Variants in PER2 observed in about 807,000 individuals in gnomAD.
PER2 encodes period circadian regulator 2.
In PER2, 66 loss-of-function variants were observed where a neutral mutation model predicts 121.0. The ratio of observed to expected loss-of-function variants is 0.55; its 90% confidence interval spans 0.45 to 0.67. The LOEUF is 0.67. PER2 is among the 30% of genes least tolerant of loss of function. PER2 has a pLI of 0.00. For missense variants in PER2, 1,521 were observed against 1,635.0 expected (o/e 0.93, Z 1.20); for synonymous variants, 684 against 659.9 (o/e 1.04, Z -0.56).
At chr2:238,295,115 C>T in the PER2 span, among the ~76,000 whole-genome samples, 1 of 152,198 alleles carries the variant, frequency 6.6e-6, no homozygotes, top group African/African-American at 2.4e-5. Flanking sequence ...GTTTGGGTGT[C>T]TGTTTTCTCC....
chr2:238,254,921 T>A (rs1695716410), intron 18 of PER2: 1 of 152,206 alleles, frequency 6.6e-6, no homozygotes, highest in Non-Finnish European at 1.5e-5. Flanking sequence ...CCGGGGGAGC[T>A]GGGTCCTTGT....
At position 238,260,010 on chromosome 2, in the gene PER2, T is replaced by C. The variant is rs758749027; in HGVS notation, c.1586A>G (p.Tyr529Cys). Residue 529 changes from tyrosine (Y) to cysteine (C), a missense_variant, in exon 14 of 23, where the codon TAT becomes TGT. Physicochemically the swap from Tyr to Cys is radical, Grantham distance 194. Transcript: ENST00000254657. ...NGNKTKNRSH[Y>C]SHESGEQKKK... Reference sequence around the variant, plus strand: ...CTTTTGTTCTCCAGATTCATGAGAATAATGACTTCTATTTTTGGTCTTGTT... The same window carrying C: ...CTTTTGTTCTCCAGATTCATGAGAACAATGACTTCTATTTTTGGTCTTGTT... 2.1e-5 allele frequency: 32 copies of C among 1,509,268 alleles called. No individual in the cohort carries two copies. In the East Asian group the frequency reaches 6.5e-4, roughly 31 times the overall value. 93.5% of individuals were successfully genotyped at this position (1,509,268 alleles called of 1,614,324 possible).
chr2:238,249,076 C>A lies in PER2; in HGVS notation c.3604G>T (p.Ala1202Ser), dbSNP rs777083409. The change falls in exon 22 of 23, where the codon GCC (alanine) becomes TCC (serine). Residue 1202 changes from alanine to serine, a missense_variant. By Grantham distance (99) the Ala-to-Ser change is moderately conservative. Coordinates refer to ENST00000254657, the MANE Select transcript of PER2 (RefSeq NM_022817.3). ...QWMQTGGLPA[A>S]IDVAECVYCE... The stretch of plus-strand genomic sequence containing the variant: ...CGTGAGCTTACTGCCACGTCGATGG[C>A]TGCGGGCAGGCCGCCCGTCTGCATC... The A allele has an allele frequency of 8.7e-6, 14 of 1,614,178 alleles. No homozygotes were observed. Among genetic ancestry groups the A allele is most frequent in the Non-Finnish European group, 1.1e-5 (13 of 1,180,036 alleles).
rs929408889 is a variant in PER2 at position 238,268,757 on chromosome 2, T to A, written c.824+166A>T. 6.6e-6 allele frequency among the ~76,000 whole-genome samples: 1 copy of A among 152,238 alleles called. No homozygotes were observed. The highest frequency in any genetic ancestry group is 2.4e-5 in the African/African-American group (1 of 41,468). On this transcript the variant is annotated intron_variant, in intron 7 of 22. Coordinates refer to ENST00000254657, the MANE Select transcript of PER2 (RefSeq NM_022817.3). The surrounding 1 kb of genome is among the most constrained non-coding windows in gnomAD (Gnocchi z 4.0). ...ACTGCTGGCCGCATTCTTAGCGACC[T>A]GTACACATTTAAAATGTAACTGACT...
At chr2:238,262,835 C>A (rs1408747689) in intron 10 of PER2, 117 bp downstream of exon 10, 2 of 751,914 alleles carry the variant, frequency 2.7e-6, no homozygotes, top group Non-Finnish European at 4.7e-6. Context: ...GCGTCTACCA[C>A]CTGCTTGTCC....
intron 5 of PER2, among the ~76,000 whole-genome samples, chr2:238,272,496 G>A (rs763100802): frequency 2.1e-4 from 32 of 152,214 alleles, no homozygotes; most frequent in Admixed American, 1.2e-3. Flanking sequence ...GGAAGAAGAT[G>A]GGAAGGATTA....
chr2:238,262,333 C>T lies in PER2; in HGVS notation c.1165G>A (p.Gly389Ser). The T allele has an allele frequency of 6.2e-7, 1 of 1,614,078 alleles. No homozygotes were observed. The change falls in exon 11 of 23, where the codon GGC becomes AGC. Residue 389 changes from glycine to serine, a missense_variant. Transcript: ENST00000254657. ...GGAGAATAGTCGAAAGGCTGCCCGC[C>T]TGACTGCAGGACTAGGAGAGCAAAA... ...LAIHKKILQS[G>S]GQPFDYSPIR...
chr2:238,260,114 G>C, intron 13 of PER2, 61 bp from the exon 14 acceptor site: 1 of 749,216 alleles, frequency 1.3e-6, no homozygotes, highest in Non-Finnish European at 2.4e-6. Context: ...AGTCTGTCCG[G>C]CAAAGTGAGA....
Position 238,268,898 on chromosome 2 carries a change from T to C in PER2, c.824+25A>G, listed in dbSNP as rs766961304. On this transcript the variant is annotated intron_variant, in intron 7 of 22. Transcript: ENST00000254657. The surrounding 1 kb of genome is among the most constrained non-coding windows in gnomAD (Gnocchi z 4.0). ...GAAATGTTTATACGGTTTTCTAATT[T>C]AAGAAAACTGGGAACCAGGCTTACC... 1.3e-6 allele frequency: 2 copies of C among 1,576,630 alleles called. No homozygotes were observed. Among genetic ancestry groups the C allele is most frequent in the Non-Finnish European group, 1.7e-6 (2 of 1,145,788 alleles).
At chr2:238,291,995 C>A (rs1696958490), upstream of PER2, among the ~76,000 whole-genome samples, 1 of 152,158 alleles carries the variant, frequency 6.6e-6, no homozygotes, top group African/African-American at 2.4e-5. Flanking sequence ...GACACTGTCT[C>A]TACAAAAAAC....
the PER2 span, among the ~76,000 whole-genome samples, chr2:238,296,841 C>T: frequency 2.6e-5 from 4 of 152,244 alleles, no homozygotes; most frequent in South Asian, 2.1e-4. Flanking sequence ...CTGCAGCCAC[C>T]GTGGAAGAGC....
chr2:238,247,207 C>T (rs2106361283), intron 22 of PER2: 1 of 152,370 alleles, frequency 6.6e-6, no homozygotes, highest in East Asian at 1.9e-4. Flanking sequence ...ACAAAGAGTA[C>T]CTGACTTCTG....
At position 238,275,882 on chromosome 2, in the gene PER2, C is replaced by T. The variant is rs114545224; in HGVS notation, c.309G>A (p.Ser103=). The part of the protein sequence containing the change: ...STSGCSSDQS[S]KVDTHKELIK... The stretch of plus-strand genomic sequence containing the variant: ...TCAGTTCTTTGTGTGTGTCCACTTT[C>T]GAAGACTGGTCGCTACTGCAGGATT... Residue 103 remains serine, a synonymous_variant, in exon 4 of 23, where the codon TCG becomes TCA. Transcript: ENST00000254657. 70 of 1,614,086 alleles carry T rather than the reference C, an allele frequency of 4.3e-5. No individual in the cohort carries two copies. The highest frequency in any genetic ancestry group is 1.6e-4 in the South Asian group (15 of 91,090).
At chr2:238,288,092 G>A (rs542770043) in intron 1 of PER2, among the ~76,000 whole-genome samples, 1 of 152,212 alleles carries the variant, frequency 6.6e-6, no homozygotes, top group South Asian at 2.1e-4. Flanking sequence ...CAGGAGACCC[G>A]TGGGTGTCCA....
intron 13 of PER2, 44 bp from the exon 14 acceptor site, chr2:238,260,097 C>G: frequency 1.2e-6 from 1 of 822,406 alleles, no homozygotes; most frequent in Non-Finnish European, 2.1e-6. Flanking sequence ...TCTAGGAGAC[C>G]TCCTTCAGTC....
intron 5 of PER2, among the ~76,000 whole-genome samples, chr2:238,272,276 T>C (rs1419057857): frequency 1.3e-5 from 2 of 152,166 alleles, no homozygotes; most frequent in African/African-American, 4.8e-5. Flanking sequence ...TGGCACCTGG[T>C]GTCCAGGCTG....
chr2:238,271,614 T>C, intron 5 of PER2, 101 bp from the exon 6 acceptor site: 5 of 874,916 alleles, frequency 5.7e-6, no homozygotes, highest in Middle Eastern at 2.6e-4. Context: ...ACCAGGAGCG[T>C]TGGAGGTGGG....
chr2:238,278,504 G>A (rs564210280), intron 1 of PER2, among the ~76,000 whole-genome samples: 9 of 152,342 alleles, frequency 5.9e-5, no homozygotes, highest in African/African-American at 1.9e-4. Context: ...ACATAGAGCT[G>A]CTGACGGCCT....
intron 16 of PER2, 43 bp from the exon 17 acceptor site, chr2:238,257,129 A>G: frequency 6.3e-7 from 1 of 1,588,732 alleles, no homozygotes; most frequent in South Asian, 1.1e-5. Context: ...GTGTCATTAC[A>G]ATGCACTGTG....
Sources: allele counts gnomAD v4.1 joint callset (sites outside exome capture counted in the v4.1 genomes callset), GRCh38; gene constraint gnomAD v4.1.1; non-coding constraint Gnocchi (gnomAD v3.1); transcripts MANE v1.5; gene names NCBI Gene and HGNC (gene_info 2026-07-23, HGNC 2026-07-21).